The following PTPRT variants were observed in gnomAD, a reference collection of about 807,000 sequenced individuals.
PTPRT encodes the protein protein tyrosine phosphatase receptor type T, also known as receptor-type tyrosine-protein phosphatase T.
In PTPRT, 56 loss-of-function variants were observed where a neutral mutation model predicts 176.8. That is an observed-to-expected ratio of 0.32 (90% CI 0.26 to 0.40). The LOEUF (loss-of-function observed/expected upper bound fraction) is 0.40. Among genes scored for constraint, PTPRT ranks in the 10% least tolerant of loss-of-function variants. PTPRT has a pLI of 1.00. For synonymous variants in PTPRT, 783 were observed against 739.0 expected, an observed-to-expected ratio of 1.06 and a Z score of -0.96; for missense variants, 1,540 against 1,908.2, an observed-to-expected ratio of 0.81 and a Z score of 3.60.
At chr20:42,433,516 A>G (rs1356768066) in intron 9 of PTPRT, among the ~76,000 whole-genome samples, 2 of 152,156 alleles carry the variant, frequency 1.3e-5, no homozygotes, top group African/African-American at 4.8e-5. Context: ...GTTGGAGTGC[A>G]GTGGAAGAGC....
At chr20:43,082,331 T>C (rs780818637) in intron 1 of PTPRT, among the ~76,000 whole-genome samples, 39 of 152,234 alleles carry the variant, frequency 2.6e-4, no homozygotes, top group Non-Finnish European at 5.1e-4. Flanking sequence ...CTGAATATAT[T>C]ATTTTCTTAG....
At chr20:42,522,565 A>G (rs2072195261) in intron 7 of PTPRT, among the ~76,000 whole-genome samples, 1 of 151,932 alleles carries the variant, frequency 6.6e-6, no homozygotes, top group Admixed American at 6.6e-5. Flanking sequence ...GGTTCAAGCA[A>G]TTCTCCTGCC....
At chr20:42,911,007 G>A (rs1384390633) in intron 1 of PTPRT, among the ~76,000 whole-genome samples, 1 of 152,122 alleles carries the variant, frequency 6.6e-6, no homozygotes, top group Non-Finnish European at 1.5e-5. Flanking sequence ...GATCTCGTGA[G>A]AACTTGCTCA....
chr20:42,045,408 A>T, the PTPRT span, among the ~76,000 whole-genome samples: 35 of 151,678 alleles, frequency 2.3e-4, no homozygotes, highest in African/African-American at 7.7e-4. Flanking sequence ...CGTGCAGGCA[A>T]GAAAGTTTCG....
In PTPRT at chr20:42,168,126, G is replaced by A. The variant is rs553544343; in HGVS notation, c.2492-6584C>T. Reference sequence around the variant, plus strand: ...TTAAGTGGAAGTGGATCATCATACAGTTCTTCATCCTCATTGTCTACACAT... The same window carrying A: ...TTAAGTGGAAGTGGATCATCATACAATTCTTCATCCTCATTGTCTACACAT... On this transcript the variant is annotated intron_variant, in intron 16 of 30. Coordinates refer to ENST00000373187, the MANE Select transcript of PTPRT (RefSeq NM_007050.6). Among the ~76,000 whole-genome samples the A allele has an allele frequency of 4.6e-5, 7 of 152,006 alleles. No individual in the cohort carries two copies. In the South Asian group the frequency reaches 1.5e-3, roughly 32 times the overall value.
chr20:42,301,274 T>C (rs775628433), intron 12 of PTPRT, among the ~76,000 whole-genome samples: 24 of 152,166 alleles, frequency 1.6e-4, no homozygotes, highest in Non-Finnish European at 3.1e-4. Flanking sequence ...TTTGTGGTAT[T>C]CCTGACAAAA....
At chr20:42,492,424 A>G (rs151129907) in intron 7 of PTPRT, among the ~76,000 whole-genome samples, 2 of 151,696 alleles carry the variant, frequency 1.3e-5, no homozygotes, top group African/African-American at 4.8e-5. Flanking sequence ...TTTAATTTTC[A>G]TTTTCCTAAT....
At chr20:42,451,127 T>G (rs1194707574) in intron 8 of PTPRT, among the ~76,000 whole-genome samples, 1 of 152,044 alleles carries the variant, frequency 6.6e-6, no homozygotes, top group Non-Finnish European at 1.5e-5. Flanking sequence ...GAGAAAGAAT[T>G]GTAACGTGGA....
At chr20:42,210,777 T>A (rs561562775) in intron 15 of PTPRT, among the ~76,000 whole-genome samples, 1 of 152,154 alleles carries the variant, frequency 6.6e-6, no homozygotes, top group Non-Finnish European at 1.5e-5. Flanking sequence ...ACTTTCTTCA[T>A]AGAATTGGAA....
chr20:42,323,025 G>C (rs1302495799), intron 11 of PTPRT, among the ~76,000 whole-genome samples: 7 of 151,876 alleles, frequency 4.6e-5, no homozygotes, highest in Non-Finnish European at 8.8e-5. Flanking sequence ...ACCATCACTG[G>C]CCATCAGAGA....
intron 7 of PTPRT, among the ~76,000 whole-genome samples, chr20:42,590,952 GTGTGTGTGTGTGTGTGTGTGTGTA>G (rs948253764): frequency 1.3e-5 from 2 of 150,426 alleles, no homozygotes; most frequent in African/African-American, 4.9e-5. Context: ...GTGTGTGTGT[GTGTGTGTGTGTGTGTGTGTGTGTA>G]ATGGGGCATT....
intron 27 of PTPRT, 97 bp downstream of exon 27, chr20:42,098,324 G>A: frequency 1.3e-6 from 2 of 1,513,854 alleles, no homozygotes; most frequent in Middle Eastern, 2.4e-4. Context: ...AGCTGGCTGG[G>A]GCAGATGTGG....
chr20:42,049,561 C>A, the PTPRT span, among the ~76,000 whole-genome samples: 49 of 152,350 alleles, frequency 3.2e-4, no homozygotes, highest in African/African-American at 1.1e-3. Context: ...GGCCTAACTG[C>A]AACCACAGAA....
In PTPRT at chr20:42,102,379, C is replaced by T. The variant is rs956288215; in HGVS notation, c.3541-82G>A. The T allele has an allele frequency of 2.8e-6, 4 of 1,434,252 alleles. No individual in the cohort carries two copies. In the African/African-American group the frequency reaches 4.2e-5, roughly 15 times the overall value. 88.8% of individuals were successfully genotyped at this position (1,434,252 alleles called of 1,614,324 possible). On this transcript the variant is annotated intron_variant, in intron 25 of 30. Coordinates refer to ENST00000373187, the MANE Select transcript of PTPRT (RefSeq NM_007050.6). ...AAGAGACAGTAATGTTCCAACTCAG[C>T]CTAACTCGCCTATTTCCACCCTCTA...
At chr20:42,281,905 A>G (rs2057145399) in intron 13 of PTPRT, among the ~76,000 whole-genome samples, 1 of 152,256 alleles carries the variant, frequency 6.6e-6, no homozygotes, top group South Asian at 2.1e-4. Flanking sequence ...AGAAACATGT[A>G]CCAACTGAAA....
intron 1 of PTPRT, among the ~76,000 whole-genome samples, chr20:43,055,278 A>C (rs1349459903): frequency 1.3e-5 from 2 of 152,178 alleles, no homozygotes; most frequent in African/African-American, 4.8e-5. Flanking sequence ...AGAAACATGA[A>C]AGAAATGATA....
At chr20:42,846,653 C>G (rs140370760) in intron 2 of PTPRT, among the ~76,000 whole-genome samples, 51 of 152,302 alleles carry the variant, frequency 3.3e-4, no homozygotes, top group African/African-American at 1.2e-3. Flanking sequence ...GAGTTGCAAG[C>G]CCAGCTGTCT....
intron 2 of PTPRT, among the ~76,000 whole-genome samples, chr20:42,821,077 T>C (rs1178128581): frequency 6.6e-6 from 1 of 152,104 alleles, no homozygotes; most frequent in East Asian, 1.9e-4. Context: ...GCCAACATCA[T>C]CCTGATACCA....
intron 1 of PTPRT, among the ~76,000 whole-genome samples, chr20:42,945,909 T>C (rs930433414): frequency 2.0e-5 from 3 of 152,164 alleles, no homozygotes; most frequent in Non-Finnish European, 4.4e-5. Context: ...TAACCAATAA[T>C]CTGCCTTCTG....
Sources: allele counts gnomAD v4.1 joint callset (sites outside exome capture counted in the v4.1 genomes callset), GRCh38; gene constraint gnomAD v4.1.1; transcripts MANE v1.5; gene names NCBI Gene and HGNC (gene_info 2026-07-23, HGNC 2026-07-21).